The following PTPRD variants were observed in gnomAD, a reference collection of about 807,000 sequenced individuals.
PTPRD encodes receptor-type tyrosine-protein phosphatase delta.
Under a neutral mutation model 214.5 loss-of-function variants are expected in PTPRD, and 34 were observed. The observed-to-expected ratio is 0.16, with a 90% CI of 0.12 to 0.21. PTPRD has a LOEUF of 0.21. PTPRD is among the 10% of genes least tolerant of loss of function. PTPRD has a pLI of 1.00. For synonymous variants in PTPRD, 1,128 were observed against 845.7 expected (o/e 1.33, Z -5.79); for missense variants, 2,545 against 2,398.7 (o/e 1.06, Z -1.27).
intron 9 of PTPRD, among the ~76,000 whole-genome samples, chr9:9,342,641 G>T (rs1394728047): frequency 2.6e-5 from 4 of 151,830 alleles, no homozygotes; most frequent in Non-Finnish European, 4.4e-5. Flanking sequence ...ATGTAAAATT[G>T]CTGTTGAACA....
intron 8 of PTPRD, among the ~76,000 whole-genome samples, chr9:9,407,609 G>C (rs1398720747): frequency 2.0e-5 from 3 of 151,660 alleles, no homozygotes; most frequent in Non-Finnish European, 3.0e-5. Context: ...TTAGAATATA[G>C]AGTCAAAAAG....
intron 11 of PTPRD, among the ~76,000 whole-genome samples, chr9:9,018,004 T>A (rs2099543474): frequency 6.6e-6 from 1 of 152,206 alleles, no homozygotes; most frequent in Admixed American, 6.5e-5. Context: ...GAAGTGCAAG[T>A]ATATGTAATC....
intron 8 of PTPRD, among the ~76,000 whole-genome samples, chr9:9,549,006 T>C (rs1332663572): frequency 6.6e-6 from 1 of 152,136 alleles, no homozygotes; most frequent in Non-Finnish European, 1.5e-5. Flanking sequence ...ACAATGTAAC[T>C]GATACTTTTA....
intron 3 of PTPRD, among the ~76,000 whole-genome samples, chr9:10,152,547 C>G (rs2099067684): frequency 6.6e-6 from 1 of 151,930 alleles, no homozygotes; most frequent in African/African-American, 2.4e-5. Flanking sequence ...GAAATCAGGC[C>G]AGGTGTGGTG....
chr9:10,019,915 A>G (rs2154118313), intron 4 of PTPRD, among the ~76,000 whole-genome samples: 1 of 131,244 alleles, frequency 7.6e-6, no homozygotes, highest in East Asian at 2.1e-4. Flanking sequence ...GTACCCTAGA[A>G]CTTAAAGTAT....
intron 21 of PTPRD, among the ~76,000 whole-genome samples, chr9:8,508,629 A>T (rs866062526): frequency 1.3e-5 from 2 of 152,234 alleles, no homozygotes; most frequent in Non-Finnish European, 2.9e-5. Context: ...AAAAACATCT[A>T]AAGTGTGCTT....
At chr9:10,530,190 A>C (rs1439934694) in intron 2 of PTPRD, among the ~76,000 whole-genome samples, 2 of 152,182 alleles carry the variant, frequency 1.3e-5, no homozygotes, top group Non-Finnish European at 2.9e-5. Flanking sequence ...TTTTTCTTTC[A>C]GCCTGAAATT....
At chr9:9,505,448 C>G (rs537410395) in intron 8 of PTPRD, among the ~76,000 whole-genome samples, 1 of 151,472 alleles carries the variant, frequency 6.6e-6, no homozygotes, top group Non-Finnish European at 1.5e-5. Context: ...ATTAGAAAGA[C>G]TTTTAGCCTG....
intron 11 of PTPRD, among the ~76,000 whole-genome samples, chr9:8,786,773 G>A (rs532199977): frequency 1.3e-5 from 2 of 151,678 alleles, no homozygotes; most frequent in Non-Finnish European, 2.9e-5. Context: ...GGGGCGGGGG[G>A]CGAGGGGTGT....
chr9:8,927,030 G>A (rs1036439903), intron 11 of PTPRD, among the ~76,000 whole-genome samples: 1 of 151,998 alleles, frequency 6.6e-6, no homozygotes, highest in African/African-American at 2.4e-5. Context: ...TTTGACAGAG[G>A]AGGAAACTGA....
At chr9:9,278,736 T>C (rs1946578455) in intron 9 of PTPRD, among the ~76,000 whole-genome samples, 1 of 151,356 alleles carries the variant, frequency 6.6e-6, no homozygotes, top group Non-Finnish European at 1.5e-5. Flanking sequence ...CATTTTCTCA[T>C]CTAGAACATG....
intron 8 of PTPRD, among the ~76,000 whole-genome samples, chr9:9,532,734 G>T (rs1309589606): frequency 6.6e-6 from 1 of 152,106 alleles, no homozygotes; most frequent in East Asian, 1.9e-4. Context: ...TTTCAGGAAG[G>T]CTTCCATTTC....
chr9:8,744,339 C>A (rs943818622), intron 11 of PTPRD, among the ~76,000 whole-genome samples: 3 of 149,518 alleles, frequency 2.0e-5, no homozygotes, highest in African/African-American at 7.7e-5. Context: ...CGAAAAGATA[C>A]TTGCACACGC....
At chr9:9,919,696 A>T (rs1332812338) in intron 5 of PTPRD, among the ~76,000 whole-genome samples, 1 of 152,164 alleles carries the variant, frequency 6.6e-6, no homozygotes, top group Non-Finnish European at 1.5e-5. Context: ...GGGAGTTCTC[A>T]TAAATACTAA....
At chr9:9,541,726 A>T (rs2077621570) in intron 8 of PTPRD, among the ~76,000 whole-genome samples, 1 of 151,874 alleles carries the variant, frequency 6.6e-6, no homozygotes, top group African/African-American at 2.4e-5. Flanking sequence ...CTAGGACAGA[A>T]TAGAAGAGCT....
At chr9:8,644,313 GGA>G (rs1450615219) in intron 12 of PTPRD, among the ~76,000 whole-genome samples, 1 of 152,086 alleles carries the variant, frequency 6.6e-6, no homozygotes, top group African/African-American at 2.4e-5. Context: ...ACCCTGAGAC[GGA>G]GAGAAGATGC....
intron 12 of PTPRD, among the ~76,000 whole-genome samples, chr9:8,705,791 T>C (rs2098193728): frequency 6.6e-6 from 1 of 152,238 alleles, no homozygotes; most frequent in South Asian, 2.1e-4. Flanking sequence ...GTAGTAATAA[T>C]AATCTACTGC....
rs569420515 is a variant in PTPRD at position 10,543,096 on chromosome 9, A to G, written c.-600+69302T>C. On this transcript the variant is annotated intron_variant, in intron 2 of 45. Transcript: ENST00000381196. ...GATGGGGCTTATCCACGTTGGTCGC[A>G]CTGGTCCTGAACTCCCGACCTCAGG... is the stretch of plus-strand genomic sequence containing the variant. Among the ~76,000 whole-genome samples the G allele has an allele frequency of 1.6e-3, 243 of 151,932 alleles. 2 individuals are homozygous for G. The highest frequency in any genetic ancestry group is 5.8e-3 in the African/African-American group (239 of 41,454).
At chr9:9,564,370 A>G (rs1015235309) in intron 8 of PTPRD, among the ~76,000 whole-genome samples, 3 of 152,100 alleles carry the variant, frequency 2.0e-5, no homozygotes, top group African/African-American at 2.4e-5. Flanking sequence ...CCCTTTAGAA[A>G]CAAGTTAACT....
Sources: allele counts gnomAD v4.1 joint callset (sites outside exome capture counted in the v4.1 genomes callset), GRCh38; gene constraint gnomAD v4.1.1; transcripts MANE v1.5; gene names NCBI Gene and HGNC (gene_info 2026-07-23, HGNC 2026-07-21).